The following CNTNAP2 variants were observed in gnomAD, a reference collection of about 807,000 sequenced individuals.
CNTNAP2 encodes the protein contactin-associated protein-like 2.
A neutral mutation model predicts 155.2 loss-of-function variants in CNTNAP2; 98 were observed. The observed-to-expected ratio is 0.63, with a 90% CI of 0.54 to 0.75. The LOEUF is 0.75. Among genes scored for constraint, CNTNAP2 ranks in the 30% least tolerant of loss-of-function variants. The pLI, the probability that CNTNAP2 is intolerant of heterozygous loss-of-function variation, is 0.00. For missense variants in CNTNAP2, 1,727 were observed against 1,688.1 expected, an observed-to-expected ratio of 1.02 and a Z score of -0.40; for synonymous variants, 651 against 631.2, an observed-to-expected ratio of 1.03 and a Z score of -0.47.
At chr7:146,990,719 T>C (rs1033876698) in intron 3 of CNTNAP2, among the ~76,000 whole-genome samples, 3 of 152,230 alleles carry the variant, frequency 2.0e-5, no homozygotes, top group Middle Eastern at 3.4e-3. Flanking sequence ...TTAGAAGTTG[T>C]TTGGGTTTTG....
At chr7:146,246,552 A>C (rs1339903903) in intron 1 of CNTNAP2, among the ~76,000 whole-genome samples, 3 of 150,956 alleles carry the variant, frequency 2.0e-5, no homozygotes, top group African/African-American at 7.4e-5. Flanking sequence ...TTGATTAAGA[A>C]GGGGACAGAC....
intron 1 of CNTNAP2, among the ~76,000 whole-genome samples, chr7:146,721,537 A>G (rs1801315834): frequency 8.0e-6 from 1 of 125,250 alleles, no homozygotes; most frequent in South Asian, 2.4e-4. Flanking sequence ...TTCTATATAC[A>G]TTCTATATAT....
chr7:146,319,236 C>T (rs1002441887), intron 1 of CNTNAP2, among the ~76,000 whole-genome samples: 1 of 152,106 alleles, frequency 6.6e-6, no homozygotes, highest in Non-Finnish European at 1.5e-5. Context: ...TCCTTCTCAG[C>T]ATGCATTTAA....
chr7:147,855,092 T>A (rs907369947), intron 13 of CNTNAP2, among the ~76,000 whole-genome samples: 1 of 152,184 alleles, frequency 6.6e-6, no homozygotes, highest in African/African-American at 2.4e-5. Flanking sequence ...TACTAGAAAA[T>A]GTTTAATTAC....
At chr7:147,042,221 A>T (rs916224517) in intron 3 of CNTNAP2, among the ~76,000 whole-genome samples, 3 of 152,206 alleles carry the variant, frequency 2.0e-5, no homozygotes, top group Non-Finnish European at 4.4e-5. Flanking sequence ...CTCATTTGAG[A>T]AAACCAAGAA....
Position 148,198,659 on chromosome 7 carries a change from C to G in CNTNAP2, c.3011-18629C>G, listed in dbSNP as rs1235296094. Among the ~76,000 whole-genome samples, 5 of 152,338 alleles carry G rather than the reference C, an allele frequency of 3.3e-5. No individual in the cohort carries two copies. In the East Asian group the frequency reaches 9.7e-4, roughly 29 times the overall value. On this transcript the variant is annotated intron_variant, in intron 18 of 23. Coordinates refer to ENST00000361727, the MANE Select transcript of CNTNAP2 (RefSeq NM_014141.6). The stretch of plus-strand genomic sequence containing the variant: ...CCTGGGCCATCTTTTCAGATGTGCC[C>G]TTTCAGAAGTGGTCGCCCTTTCAGA...
At chr7:146,334,227 C>T (rs1222523538) in intron 1 of CNTNAP2, among the ~76,000 whole-genome samples, 1 of 152,090 alleles carries the variant, frequency 6.6e-6, no homozygotes, top group East Asian at 1.9e-4. Context: ...GTCAGGAGAT[C>T]GAGACCATCC....
chr7:148,277,044 G>A (rs923528405), intron 21 of CNTNAP2, among the ~76,000 whole-genome samples: 138 of 152,180 alleles, frequency 9.1e-4, no homozygotes, highest in African/African-American at 3.1e-3. Flanking sequence ...AAAATGTTCA[G>A]TTTCTCGAAG....
Position 147,900,482 on chromosome 7 carries a change from G to C in CNTNAP2, c.2099-3083G>C, listed in dbSNP as rs140958340. Among the ~76,000 whole-genome samples, 38 of 152,176 alleles carry C rather than the reference G, an allele frequency of 2.5e-4. No homozygotes were observed. In the East Asian group the frequency reaches 7.0e-3, roughly 28 times the overall value. ...CGTCTGCCATGATTGTAAGTTTTCTGAGGCCTCCTCAGCCACACAAAATTG... is the reference window on the plus strand; with the variant it reads ...CGTCTGCCATGATTGTAAGTTTTCTCAGGCCTCCTCAGCCACACAAAATTG... On this transcript the variant is annotated intron_variant, in intron 13 of 23. Coordinates refer to ENST00000361727, the MANE Select transcript of CNTNAP2 (RefSeq NM_014141.6).
chr7:146,878,922 A>C (rs1041026984), intron 3 of CNTNAP2, among the ~76,000 whole-genome samples: 1 of 152,152 alleles, frequency 6.6e-6, no homozygotes, highest in African/African-American at 2.4e-5. Context: ...GCTATAATGG[A>C]CACTTACCTT....
intron 3 of CNTNAP2, among the ~76,000 whole-genome samples, chr7:147,010,007 CTT>C (rs67223892): frequency 0.35 from 42,424 of 122,754 alleles, 5,550 homozygotes; most frequent in East Asian, 0.4. Context: ...TATCTTGGTT[CTT>C]TTTTTTTTTT....
chr7:146,205,005 A>C (rs1489486591), intron 1 of CNTNAP2, among the ~76,000 whole-genome samples: 1 of 152,084 alleles, frequency 6.6e-6, no homozygotes, highest in Non-Finnish European at 1.5e-5. Flanking sequence ...TTGCCTTCAC[A>C]GTGTCCTCCA....
At chr7:147,975,325 G>A (rs1801410930) in intron 14 of CNTNAP2, among the ~76,000 whole-genome samples, 1 of 151,980 alleles carries the variant, frequency 6.6e-6, no homozygotes, top group South Asian at 2.1e-4. Context: ...AAGGGCATGG[G>A]GGGTGCTTCT....
intron 13 of CNTNAP2, among the ~76,000 whole-genome samples, chr7:147,720,658 A>G (rs1391419239): frequency 6.6e-6 from 1 of 151,970 alleles, no homozygotes; most frequent in Non-Finnish European, 1.5e-5. Flanking sequence ...TTCTCAGGAG[A>G]TCCGATGGTT....
At chr7:146,451,852 ATT>A (rs1796486500) in intron 1 of CNTNAP2, among the ~76,000 whole-genome samples, 1 of 58,840 alleles carries the variant, frequency 1.7e-5, no homozygotes, top group Non-Finnish European at 2.7e-5. Flanking sequence ...ATATACACGT[ATT>A]CTATATATAT....
intron 3 of CNTNAP2, among the ~76,000 whole-genome samples, chr7:146,929,670 C>A (rs1585163496): frequency 6.6e-6 from 1 of 151,966 alleles, no homozygotes; most frequent in Admixed American, 6.6e-5. Context: ...CAACCAAAGG[C>A]AAAGAAGTTA....
intron 13 of CNTNAP2, among the ~76,000 whole-genome samples, chr7:147,864,643 C>T (rs1799196634): frequency 6.6e-6 from 1 of 152,216 alleles, no homozygotes; most frequent in African/African-American, 2.4e-5. Flanking sequence ...AGGTCCTTCA[C>T]ATCCCTTGTA....
At chr7:146,876,930 C>A (rs986326271) in intron 3 of CNTNAP2, among the ~76,000 whole-genome samples, 2 of 152,062 alleles carry the variant, frequency 1.3e-5, no homozygotes, top group African/African-American at 4.8e-5. Context: ...GTGCAAAAAT[C>A]ATTTTATTTT....
In CNTNAP2 at chr7:147,875,642, A is replaced by C. The variant is rs549909859; in HGVS notation, c.2099-27923A>C. Among the ~76,000 whole-genome samples the C allele has an allele frequency of 1.4e-3, 218 of 152,288 alleles. 2 individuals carry two copies. The highest frequency in any genetic ancestry group is 2.8e-3 in the Admixed American group (43 of 15,296). On this transcript the variant is annotated intron_variant, in intron 13 of 23. Transcript: ENST00000361727. The stretch of plus-strand genomic sequence containing the variant: ...GCACAATGGCTCATACCGTAATCAC[A>C]GCACTTTGGGAGGCCAAGGTAGTAG...
Sources: allele counts gnomAD v4.1 joint callset (sites outside exome capture counted in the v4.1 genomes callset), GRCh38; gene constraint gnomAD v4.1.1; transcripts MANE v1.5; gene names NCBI Gene and HGNC (gene_info 2026-07-23, HGNC 2026-07-21).